CAT: variants seen among roughly 807,000 people sequenced by gnomAD.
CAT encodes the protein catalase, also known as epididymis secretory sperm binding protein.
A neutral mutation model predicts 59.0 loss-of-function variants in CAT; 43 were observed. The observed-to-expected ratio is 0.73, with a 90% CI of 0.57 to 0.94. CAT has a LOEUF of 0.94. Ranked by LOEUF, CAT falls within the 40% of genes least tolerant of loss-of-function variation. The pLI is 0.00. For missense variants in CAT, 664 were observed against 682.9 expected (o/e 0.97, Z 0.31); for synonymous variants, 218 against 230.9 (o/e 0.94, Z 0.51).
At chr11:34,443,059 A>G (rs1464051183) in intron 1 of CAT, among the ~76,000 whole-genome samples, 1 of 152,226 alleles carries the variant, frequency 6.6e-6, no homozygotes, top group Non-Finnish European at 1.5e-5. Flanking sequence ...CTGTTAGAAA[A>G]TTATGACAGT....
At chr11:34,439,987 G>A (rs994878611) in intron 1 of CAT, among the ~76,000 whole-genome samples, 3 of 152,158 alleles carry the variant, frequency 2.0e-5, no homozygotes, top group Non-Finnish European at 2.9e-5. Flanking sequence ...CTGTGCCCAC[G>A]GCTGCAGAGT....
intron 8 of CAT, among the ~76,000 whole-genome samples, chr11:34,460,575 A>C (rs576651680): frequency 6.7e-6 from 1 of 149,292 alleles, no homozygotes; most frequent in Admixed American, 6.8e-5. Context: ...AGCCTGTTGG[A>C]GTAGCTGGGA....
At chr11:34,443,028 A>G (rs2284370) in intron 1 of CAT, among the ~76,000 whole-genome samples, 1 of 152,196 alleles carries the variant, frequency 6.6e-6, no homozygotes, top group South Asian at 2.1e-4. Flanking sequence ...TGTCATTTTT[A>G]CTTTCTGACA....
Position 34,464,203 on chromosome 11 carries a change from T to C in CAT, c.1294T>C (p.Phe432Leu). Reference sequence around the variant, plus strand: ...CCAATATTCTGGAGAAGTGCGGAGATTCAACACTGCCAATGATGATAACGT... The same window carrying C: ...CCAATATTCTGGAGAAGTGCGGAGACTCAACACTGCCAATGATGATAACGT... ...SIQYSGEVRRFNTANDDNVTQ... is the reference protein window; with the variant it reads ...SIQYSGEVRRLNTANDDNVTQ... The change falls in exon 10 of 13, where the codon TTC becomes CTC. Residue 432 changes from phenylalanine (F) to leucine (L), a missense_variant. Coordinates refer to ENST00000241052, the MANE Select transcript of CAT (RefSeq NM_001752.4). 6.2e-7 allele frequency: 1 copy of C among 1,614,026 alleles called. No homozygotes were observed. The highest frequency in any genetic ancestry group is 8.5e-7 in the Non-Finnish European group (1 of 1,179,882).
chr11:34,454,832 G>C (rs1321250911), intron 6 of CAT, among the ~76,000 whole-genome samples: 1 of 152,184 alleles, frequency 6.6e-6, no homozygotes, highest in Non-Finnish European at 1.5e-5. Flanking sequence ...AGTTATGCCA[G>C]CCTGAACTCA....
chr11:34,454,906 T>C (rs1441052859), intron 6 of CAT, among the ~76,000 whole-genome samples: 1 of 152,190 alleles, frequency 6.6e-6, no homozygotes, highest in Non-Finnish European at 1.5e-5. Context: ...TGAGCTCCAG[T>C]TCTTTTCACT....
chr11:34,452,648 G>A (rs780972185), intron 4 of CAT, among the ~76,000 whole-genome samples: 1 of 152,094 alleles, frequency 6.6e-6, no homozygotes, highest in African/African-American at 2.4e-5. Context: ...GAGTCCATGA[G>A]TTCGAGACCA....
intron 6 of CAT, among the ~76,000 whole-genome samples, chr11:34,455,672 T>C (rs980897601): frequency 6.6e-6 from 1 of 152,204 alleles, no homozygotes; most frequent in Non-Finnish European, 1.5e-5. Flanking sequence ...ATTTTATTAA[T>C]CTTTTGCCTA....
chr11:34,439,086 T>A lies in CAT; in HGVS notation c.66+7T>A. 6.3e-7 allele frequency: 1 copy of A among 1,582,876 alleles called. No homozygotes were observed. The highest frequency in any genetic ancestry group is 8.6e-7 in the Non-Finnish European group (1 of 1,164,422). On this transcript the variant is annotated splice_region_variant and intron_variant, in intron 1 of 12. Coordinates refer to ENST00000241052, the MANE Select transcript of CAT (RefSeq NM_001752.4). ...GGAGCAGCGGGCCGCGCAGGTACAC[T>A]CTGTGCTCCCCGAGCGGGCCCGAAG...
intron 1 of CAT, among the ~76,000 whole-genome samples, chr11:34,441,886 G>A (rs1289352391): frequency 6.6e-6 from 1 of 152,210 alleles, no homozygotes; most frequent in Non-Finnish European, 1.5e-5. Flanking sequence ...ATACCTAGGA[G>A]TAGATTTATT....
At chr11:34,448,862 T>C (rs1307007743) in intron 1 of CAT, among the ~76,000 whole-genome samples, 3 of 152,156 alleles carry the variant, frequency 2.0e-5, no homozygotes, top group South Asian at 2.1e-4. Flanking sequence ...TGTAGGACGC[T>C]TTTGGGCACC....
At chr11:34,449,841 A>T (rs567239518) in intron 2 of CAT, among the ~76,000 whole-genome samples, 1 of 152,272 alleles carries the variant, frequency 6.6e-6, no homozygotes, top group African/African-American at 2.4e-5. Flanking sequence ...AAGAAAGATT[A>T]GTAAAATAAG....
intron 4 of CAT, 104 bp downstream of exon 4, chr11:34,452,311 G>A: frequency 1.8e-6 from 2 of 1,099,602 alleles, no homozygotes; most frequent in Non-Finnish European, 2.8e-6. Flanking sequence ...AGAAAGAAAA[G>A]AATGCGAGTT....
intron 1 of CAT, among the ~76,000 whole-genome samples, chr11:34,442,708 A>G (rs1043305477): frequency 6.6e-6 from 1 of 152,214 alleles, no homozygotes; most frequent in Non-Finnish European, 1.5e-5. Flanking sequence ...TATTGAGGGC[A>G]CCAGGCTGAA....
intron 8 of CAT, among the ~76,000 whole-genome samples, chr11:34,459,454 A>G: frequency 6.6e-6 from 1 of 152,230 alleles, no homozygotes; most frequent in Non-Finnish European, 1.5e-5. Context: ...TGGACAAATA[A>G]TATAATACAA....
rs1856778342 is a variant in CAT at position 34,471,942 on chromosome 11, A to C, written c.*509A>C. The C allele has an allele frequency of 6.1e-6, 1 of 163,240 alleles. No homozygotes were observed. Among genetic ancestry groups the C allele is most frequent in the African/African-American group, 2.4e-5 (1 of 41,488 alleles). The allele number at this position is 163,240 out of a possible 1,614,324, so 10.1% of individuals were successfully genotyped here. A position where few individuals can be genotyped will look rare whatever the true frequency, so the allele number is the denominator to read the frequency against. ...GGCTTAATGTTTATTCCTGATAATA[A>C]TTGATCAAATTCATTTTTTTCACTG... On this transcript the variant is annotated 3_prime_UTR_variant, in exon 13 of 13. Transcript: ENST00000241052.
At chr11:34,460,954 G>A (rs1351215340) in intron 8 of CAT, 2 of 438,666 alleles carry the variant, frequency 4.6e-6, no homozygotes, top group East Asian at 5.0e-5. Flanking sequence ...AAGTAATACT[G>A]TATAAGACAA....
chr11:34,462,207 A>G lies in CAT; in HGVS notation c.1195+818A>G, dbSNP rs981185971. The stretch of plus-strand genomic sequence containing the variant: ...CATTTAGGACACGTGTTTTAGTAAT[A>G]TAGACTGCATGCATTGATCCCTTTA... On this transcript the variant is annotated intron_variant, in intron 9 of 12. Coordinates refer to ENST00000241052, the MANE Select transcript of CAT (RefSeq NM_001752.4). Among the ~76,000 whole-genome samples the G allele has an allele frequency of 7.9e-5, 12 of 152,144 alleles. No individual in the cohort carries two copies. In the South Asian group the frequency reaches 2.5e-3, roughly 32 times the overall value.
At chr11:34,443,569 TC>T (rs1287386086) in intron 1 of CAT, among the ~76,000 whole-genome samples, 3 of 135,372 alleles carry the variant, frequency 2.2e-5, no homozygotes, top group African/African-American at 8.8e-5. Context: ...TTAACCCATT[TC>T]CTTTTTTTTT....
Sources: allele counts gnomAD v4.1 joint callset (sites outside exome capture counted in the v4.1 genomes callset), GRCh38; gene constraint gnomAD v4.1.1; transcripts MANE v1.5; gene names NCBI Gene and HGNC (gene_info 2026-07-23, HGNC 2026-07-21).